Variants in TRMT11 observed in about 807,000 individuals in gnomAD.
TRMT11 encodes tRNA (guanine(10)-N(2))-methyltransferase TRMT11.
Under a neutral mutation model 62.8 loss-of-function variants are expected in TRMT11, and 53 were observed. The observed-to-expected ratio is 0.84, with a 90% CI of 0.68 to 1.06. TRMT11 has a LOEUF of 1.06. Among genes scored for constraint, TRMT11 ranks in the 50% least tolerant of loss-of-function variants. The probability of loss-of-function intolerance (pLI) is 0.00; values close to 1 mark genes in which losing one functional copy is unlikely to be tolerated. For missense variants in TRMT11, 556 were observed against 553.4 expected, an observed-to-expected ratio of 1.00 and a Z score of -0.05; for synonymous variants, 188 against 190.3, an observed-to-expected ratio of 0.99 and a Z score of 0.10.
At chr6:125,990,351 T>C (rs1286745853) in intron 1 of TRMT11, among the ~76,000 whole-genome samples, 1 of 152,236 alleles carries the variant, frequency 6.6e-6, no homozygotes, top group African/African-American at 2.4e-5. Context: ...AAGCCCTGTT[T>C]GTGTTCTGAT....
intron 8 of TRMT11, 73 bp downstream of exon 8, chr6:126,008,545 C>A: frequency 1.6e-6 from 2 of 1,274,538 alleles, no homozygotes; most frequent in Non-Finnish European, 1.1e-6. Context: ...TACAGTTGAC[C>A]CTGGAAGAAC....
intron 7 of TRMT11, among the ~76,000 whole-genome samples, chr6:126,002,484 AT>A (rs1046664283): frequency 1.3e-5 from 2 of 152,118 alleles, no homozygotes; most frequent in African/African-American, 4.8e-5. Flanking sequence ...CCACTTAAAA[AT>A]ATCCTGTGAA....
intron 16 of TRMT11, among the ~76,000 whole-genome samples, chr6:126,051,798 G>A (rs1054837537): frequency 1.3e-5 from 2 of 152,124 alleles, no homozygotes; most frequent in African/African-American, 4.8e-5. Flanking sequence ...AACAAGAGGA[G>A]CCTATGGTAC....
intron 17 of TRMT11, among the ~76,000 whole-genome samples, chr6:126,073,373 A>G (rs1168804337): frequency 1.3e-5 from 2 of 152,206 alleles, no homozygotes; most frequent in East Asian, 1.9e-4. Context: ...CTCTTGGAAA[A>G]TACAGTCTAA....
intron 12 of TRMT11, among the ~76,000 whole-genome samples, chr6:126,034,567 T>A (rs1344789047): frequency 6.6e-6 from 1 of 152,164 alleles, no homozygotes; most frequent in Non-Finnish European, 1.5e-5. Context: ...TTAATTACTA[T>A]CAATGGTTAA....
At chr6:126,059,692 TGA>T (rs1776475412) in intron 17 of TRMT11, among the ~76,000 whole-genome samples, 1 of 152,168 alleles carries the variant, frequency 6.6e-6, no homozygotes, top group Non-Finnish European at 1.5e-5. Flanking sequence ...TGTTTAATAG[TGA>T]GTAATATGGA....
chr6:126,094,707 C>G (rs1020824397), intron 17 of TRMT11, among the ~76,000 whole-genome samples: 2 of 152,162 alleles, frequency 1.3e-5, no homozygotes, highest in Admixed American at 6.5e-5. Context: ...TTTTGTAGCT[C>G]TTAATTACTG....
intron 21 of TRMT11, among the ~76,000 whole-genome samples, chr6:126,169,906 A>AT (rs1027775954): frequency 5.9e-5 from 9 of 151,680 alleles, no homozygotes; most frequent in Admixed American, 1.3e-4. Context: ...AATAAGACAA[A>AT]TTTTTTTTTA....
At chr6:126,206,603 G>T (rs949966470), downstream of TRMT11, among the ~76,000 whole-genome samples, 1 of 152,164 alleles carries the variant, frequency 6.6e-6, no homozygotes, top group Non-Finnish European at 1.5e-5. Context: ...TGGTGGAGAT[G>T]CTAATTTTAG....
chr6:126,038,573 A>G, intron 12 of TRMT11, 132 bp from the exon 13 acceptor site: 1 of 652,580 alleles, frequency 1.5e-6, no homozygotes. Context: ...TTTCTAATTC[A>G]AGTAGTGAAG....
chr6:126,124,012 T>C (rs920220266), intron 21 of TRMT11, among the ~76,000 whole-genome samples: 1 of 152,038 alleles, frequency 6.6e-6, no homozygotes, highest in Non-Finnish European at 1.5e-5. Context: ...TTTTTCTGCT[T>C]CCTGCACTGT....
At chr6:126,024,134 G>A (rs1796211029) in intron 12 of TRMT11, among the ~76,000 whole-genome samples, 1 of 152,188 alleles carries the variant, frequency 6.6e-6, no homozygotes, top group Non-Finnish European at 1.5e-5. Flanking sequence ...TGTTTTTTAA[G>A]TTAAAATAAG....
intron 11 of TRMT11, among the ~76,000 whole-genome samples, chr6:126,015,471 A>G (rs984276566): frequency 1.3e-5 from 2 of 151,588 alleles, no homozygotes; most frequent in Non-Finnish European, 2.9e-5. Flanking sequence ...CTCTTGATCC[A>G]CTTGCCTCGG....
At chr6:126,177,489 A>C (rs1778400011) in intron 1 of TRMT11, among the ~76,000 whole-genome samples, 1 of 152,186 alleles carries the variant, frequency 6.6e-6, no homozygotes, top group African/African-American at 2.4e-5. Flanking sequence ...CAAATGGCTA[A>C]ATAACATGTT....
chr6:126,214,115 T>C, the TRMT11 span, among the ~76,000 whole-genome samples: 2 of 149,318 alleles, frequency 1.3e-5, no homozygotes, highest in African/African-American at 5.1e-5. Flanking sequence ...GGAGTGATCT[T>C]TCTAATGTGT....
At chr6:126,049,273 A>G (rs1776145866) in intron 16 of TRMT11, among the ~76,000 whole-genome samples, 1 of 152,184 alleles carries the variant, frequency 6.6e-6, no homozygotes, top group Admixed American at 6.5e-5. Flanking sequence ...GGTGATTAAT[A>G]GTTTGAGTCT....
At chr6:126,044,206 T>C (rs1775978510), downstream of TRMT11, among the ~76,000 whole-genome samples, 1 of 152,186 alleles carries the variant, frequency 6.6e-6, no homozygotes, top group African/African-American at 2.4e-5. Flanking sequence ...TTTAAGTCTT[T>C]AATCCATCTT....
intron 17 of TRMT11, among the ~76,000 whole-genome samples, chr6:126,097,849 G>A (rs962360935): frequency 3.3e-5 from 5 of 152,026 alleles, no homozygotes; most frequent in Non-Finnish European, 5.9e-5. Flanking sequence ...GTAGGAAGAG[G>A]AAGTGGGGAA....
intron 1 of TRMT11, among the ~76,000 whole-genome samples, chr6:125,991,325 C>T (rs1223098795): frequency 6.6e-6 from 1 of 151,992 alleles, no homozygotes; most frequent in African/African-American, 2.4e-5. Flanking sequence ...GACCGTGGCT[C>T]ACTGCAGCCT....
Sources: allele counts gnomAD v4.1 joint callset (sites outside exome capture counted in the v4.1 genomes callset), GRCh38; gene constraint gnomAD v4.1.1; transcripts MANE v1.5; gene names NCBI Gene and HGNC (gene_info 2026-07-23, HGNC 2026-07-21).